The following SAMD3 variants were observed in gnomAD, a reference collection of about 807,000 sequenced individuals.
The protein encoded by SAMD3 is sterile alpha motif domain containing 3.
In SAMD3, 63 loss-of-function variants were observed where a neutral mutation model predicts 58.5. The ratio of observed to expected loss-of-function variants is 1.08; its 90% CI spans 0.88 to 1.33. The LOEUF is 1.33. Among genes scored for constraint, SAMD3 ranks in the 40% most tolerant of loss-of-function variants. The probability of loss-of-function intolerance (pLI) is 0.00; values close to 1 mark genes in which losing one functional copy is unlikely to be tolerated. For synonymous variants in SAMD3, 220 were observed against 210.3 expected, an observed-to-expected ratio of 1.05 and a Z score of -0.40; for missense variants, 604 against 608.4, an observed-to-expected ratio of 0.99 and a Z score of 0.08.
At chr6:130,237,917 T>G (rs912311311) in intron 2 of SAMD3, among the ~76,000 whole-genome samples, 1 of 152,136 alleles carries the variant, frequency 6.6e-6, no homozygotes, top group African/African-American at 2.4e-5. Context: ...TTTAGCAAAG[T>G]TTCAATTCCA....
chr6:130,324,980 T>C (rs1402280015), intron 1 of SAMD3, among the ~76,000 whole-genome samples: 1 of 152,146 alleles, frequency 6.6e-6, no homozygotes, highest in African/African-American at 2.4e-5. Flanking sequence ...TCATTTTAAA[T>C]TGAACATCTT....
intron 2 of SAMD3, among the ~76,000 whole-genome samples, chr6:130,261,370 C>A (rs55650481): frequency 8.1e-6 from 1 of 123,040 alleles, no homozygotes; most frequent in African/African-American, 3.0e-5. Context: ...TTGACAGGAC[C>A]GGTCTTGGGA....
intron 2 of SAMD3, among the ~76,000 whole-genome samples, chr6:130,311,594 T>G (rs1243628136): frequency 3.3e-5 from 5 of 152,244 alleles, no homozygotes; most frequent in Non-Finnish European, 7.3e-5. Context: ...ACTACTGCTT[T>G]CTTTTAGGCC....
At position 130,222,755 on chromosome 6, in the gene SAMD3, CA is replaced by C. The variant is rs2114865534; in HGVS notation, c.-130del. ...CAGAAGAGAAGATCAAAGGAGAGAG[CA>C]CCCCTCCTCCCCAGGCAAATCCGAT... is the stretch of plus-strand genomic sequence containing the variant. On this transcript the variant is annotated 5_prime_UTR_variant, in exon 1 of 12. Coordinates refer to ENST00000439090, the MANE Select transcript of SAMD3 (RefSeq NM_001017373.4). 6.6e-6 allele frequency: 1 copy of C among 152,292 alleles called. No homozygotes were observed. The highest frequency in any genetic ancestry group is 2.4e-5 in the African/African-American group (1 of 41,562). 9.4% of individuals were successfully genotyped at this position (152,292 alleles called of 1,614,324 possible).
intron 3 of SAMD3, 23 bp from the exon 4 acceptor site, chr6:130,214,549 G>A: frequency 6.5e-7 from 1 of 1,550,020 alleles, no homozygotes; most frequent in Non-Finnish European, 8.7e-7. Context: ...AAAAAAATTA[G>A]TTTCTACATG....
chr6:130,145,123 G>C (rs1328652815), intron 11 of SAMD3, among the ~76,000 whole-genome samples: 3 of 152,174 alleles, frequency 2.0e-5, no homozygotes, highest in Admixed American at 2.0e-4. Flanking sequence ...GCTGGGCGTG[G>C]TGGTGCATGC....
chr6:130,162,877 T>G (rs1290284980), intron 8 of SAMD3, among the ~76,000 whole-genome samples: 1 of 152,224 alleles, frequency 6.6e-6, no homozygotes, highest in Admixed American at 6.5e-5. Flanking sequence ...CACATGTGGC[T>G]TCTGAGCACG....
intron 8 of SAMD3, chr6:130,159,988 G>C (rs1562379577): frequency 6.6e-6 from 1 of 152,156 alleles, no homozygotes; most frequent in Non-Finnish European, 1.5e-5. Context: ...GCATGGGGGT[G>C]GGGTGAGTGG....
At chr6:130,293,146 A>G (rs924649236) in intron 2 of SAMD3, among the ~76,000 whole-genome samples, 1 of 152,238 alleles carries the variant, frequency 6.6e-6, no homozygotes, top group African/African-American at 2.4e-5. Flanking sequence ...AGTTGCATCT[A>G]TACTAGAGAA....
intron 9 of SAMD3, among the ~76,000 whole-genome samples, chr6:130,153,851 A>G (rs1461559054): frequency 5.3e-5 from 8 of 151,288 alleles, no homozygotes; most frequent in Non-Finnish European, 1.2e-4. Flanking sequence ...TAATTTTTGT[A>G]CTTTTAGTAG....
intron 5 of SAMD3, among the ~76,000 whole-genome samples, chr6:130,208,513 C>T (rs747923128): frequency 1.2e-4 from 19 of 152,170 alleles, no homozygotes; most frequent in Non-Finnish European, 2.2e-4. Context: ...ACCTGAGCTC[C>T]GCCTCCTGAG....
chr6:130,356,526 C>T (rs943822574), intron 1 of SAMD3, among the ~76,000 whole-genome samples: 8 of 152,158 alleles, frequency 5.3e-5, no homozygotes, highest in African/African-American at 1.9e-4. Context: ...CATTATATTA[C>T]ATATGTAATT....
intron 2 of SAMD3, among the ~76,000 whole-genome samples, chr6:130,238,749 T>C (rs1773252316): frequency 6.6e-6 from 1 of 152,002 alleles, no homozygotes; most frequent in Non-Finnish European, 1.5e-5. Context: ...GAAATGTTCT[T>C]AGTTTCCCAG....
intron 2 of SAMD3, among the ~76,000 whole-genome samples, chr6:130,304,561 T>C (rs931791183): frequency 2.6e-5 from 4 of 152,228 alleles, no homozygotes; most frequent in Admixed American, 1.3e-4. Flanking sequence ...CACTTTCATC[T>C]TAGTTGCTAG....
At chr6:130,217,985 A>G (rs1485196418) in intron 1 of SAMD3, among the ~76,000 whole-genome samples, 1 of 152,212 alleles carries the variant, frequency 6.6e-6, no homozygotes, top group Admixed American at 6.5e-5. Flanking sequence ...TTGAGGTACA[A>G]AAATAAGGAT....
intron 2 of SAMD3, among the ~76,000 whole-genome samples, chr6:130,291,091 A>T (rs1220123801): frequency 6.6e-6 from 1 of 151,722 alleles, no homozygotes; most frequent in Non-Finnish European, 1.5e-5. Context: ...AACTGACTTT[A>T]TTTATTTATT....
intron 2 of SAMD3, among the ~76,000 whole-genome samples, chr6:130,307,851 C>CA (rs1583078555): frequency 1.3e-5 from 2 of 152,156 alleles, no homozygotes; most frequent in East Asian, 3.8e-4. Flanking sequence ...GAATTTGAGA[C>CA]AGTTGTTTTA....
chr6:130,199,920 A>G (rs1288536765), intron 5 of SAMD3, among the ~76,000 whole-genome samples: 1 of 152,140 alleles, frequency 6.6e-6, no homozygotes, highest in Non-Finnish European at 1.5e-5. Flanking sequence ...GAGGAATTAC[A>G]TGTCTGAAAT....
At chr6:130,218,553 T>C (rs1376203753) in intron 1 of SAMD3, among the ~76,000 whole-genome samples, 5 of 152,152 alleles carry the variant, frequency 3.3e-5, no homozygotes, top group Admixed American at 1.3e-4. Flanking sequence ...ACTGCCTAGA[T>C]AGATAGCCCA....
Sources: gnomAD v4.1 joint callset for allele counts (sites outside exome capture counted in the v4.1 genomes callset) on GRCh38, gnomAD v4.1.1 for gene constraint, MANE v1.5 for transcripts, NCBI Gene and HGNC (gene_info 2026-07-23, HGNC 2026-07-21) for gene names.